Variants in CPNE4 observed in about 807,000 individuals in gnomAD.
The protein encoded by CPNE4 is copine-4.
A neutral mutation model predicts 67.9 loss-of-function variants in CPNE4; 25 were observed. The observed-to-expected ratio is 0.37, with a 90% CI of 0.27 to 0.51. CPNE4 has a LOEUF of 0.51. CPNE4 is among the 20% of genes least tolerant of loss of function. The pLI, the probability that CPNE4 is intolerant of heterozygous loss-of-function variation, is 0.93. For synonymous variants in CPNE4, 242 were observed against 244.9 expected (o/e 0.99, Z 0.11); for missense variants, 464 against 690.8 (o/e 0.67, Z 3.68).
intron 9 of CPNE4, among the ~76,000 whole-genome samples, chr3:131,575,396 C>A (rs575624941): frequency 6.6e-6 from 1 of 152,116 alleles, no homozygotes; most frequent in Admixed American, 6.6e-5. Context: ...TCAGCTTATG[C>A]CTCTGAAGTG....
intron 12 of CPNE4, among the ~76,000 whole-genome samples, chr3:131,553,074 A>G (rs1936269494): frequency 6.6e-6 from 1 of 152,132 alleles, no homozygotes. Flanking sequence ...TAATATTTCA[A>G]CACAAATTCC....
intron 7 of CPNE4, among the ~76,000 whole-genome samples, chr3:131,648,426 C>A (rs2079721389): frequency 6.6e-6 from 1 of 152,130 alleles, no homozygotes; most frequent in Admixed American, 6.5e-5. Flanking sequence ...TCATGGACAT[C>A]AGCCTTCCCC....
At chr3:131,714,574 A>G (rs1459206013) in intron 3 of CPNE4, among the ~76,000 whole-genome samples, 1 of 152,160 alleles carries the variant, frequency 6.6e-6, no homozygotes, top group Admixed American at 6.5e-5. Context: ...AACTAGTAAT[A>G]CAGTGTCCAA....
chr3:131,746,879 T>C (rs746408115), intron 2 of CPNE4, among the ~76,000 whole-genome samples: 5 of 152,172 alleles, frequency 3.3e-5, no homozygotes, highest in Non-Finnish European at 7.4e-5. Context: ...TTAACTTACA[T>C]TCTCACCAGC....
At chr3:131,759,936 A>C (rs946107500) in intron 2 of CPNE4, among the ~76,000 whole-genome samples, 3 of 152,188 alleles carry the variant, frequency 2.0e-5, no homozygotes, top group Non-Finnish European at 4.4e-5. Context: ...TCAATATTAC[A>C]AAGTTATCTG....
At chr3:131,609,383 G>C (rs532772094) in intron 7 of CPNE4, among the ~76,000 whole-genome samples, 1 of 152,156 alleles carries the variant, frequency 6.6e-6, no homozygotes, top group Non-Finnish European at 1.5e-5. Context: ...ACCGTCAAGG[G>C]AATGTGATGT....
intron 7 of CPNE4, among the ~76,000 whole-genome samples, chr3:131,644,536 G>A (rs919402808): frequency 1.3e-5 from 2 of 152,102 alleles, no homozygotes; most frequent in African/African-American, 4.8e-5. Flanking sequence ...TTATGTTTTT[G>A]CCAACAGTTA....
intron 1 of CPNE4, among the ~76,000 whole-genome samples, chr3:131,939,265 G>A (rs1302844924): frequency 6.6e-6 from 1 of 152,098 alleles, no homozygotes; most frequent in Non-Finnish European, 1.5e-5. Context: ...ATACAATGCA[G>A]CTGTCAACAA....
chr3:131,590,096 C>A (rs1184647219), intron 7 of CPNE4, among the ~76,000 whole-genome samples: 1 of 152,076 alleles, frequency 6.6e-6, no homozygotes, highest in African/African-American at 2.4e-5. Context: ...TATACGTCAC[C>A]CTTCCATTCC....
intron 2 of CPNE4, among the ~76,000 whole-genome samples, chr3:131,756,813 A>G (rs2082762099): frequency 6.6e-6 from 1 of 152,188 alleles, no homozygotes; most frequent in African/African-American, 2.4e-5. Context: ...CCCACGTGTG[A>G]TGGAAGGGAC....
intron 7 of CPNE4, among the ~76,000 whole-genome samples, chr3:131,667,457 G>A (rs2080293295): frequency 6.6e-6 from 1 of 151,838 alleles, no homozygotes; most frequent in Non-Finnish European, 1.5e-5. Context: ...GTGTGTGAGT[G>A]TGTATGTGAC....
At chr3:132,001,553 G>GAAAGAAAGAAAGAAAGAA (rs1467276159) in intron 1 of CPNE4, among the ~76,000 whole-genome samples, 22 of 101,858 alleles carry the variant, frequency 2.2e-4, no homozygotes, top group African/African-American at 4.5e-4. Flanking sequence ...AAAGAAAAAA[G>GAAAGAAAGAAAGAAAGAA]AGAAAGAAAG....
At chr3:131,636,763 C>A (rs1194878225) in intron 7 of CPNE4, among the ~76,000 whole-genome samples, 2 of 152,130 alleles carry the variant, frequency 1.3e-5, no homozygotes, top group Non-Finnish European at 2.9e-5. Context: ...AAAAACACAA[C>A]TAAGGACCCT....
chr3:131,557,319 A>G (rs1172717982), intron 11 of CPNE4, among the ~76,000 whole-genome samples: 1 of 152,070 alleles, frequency 6.6e-6, no homozygotes. Context: ...CAGTCAATTC[A>G]GGTTAGGGCT....
At chr3:131,644,436 C>A (rs112468730) in intron 7 of CPNE4, among the ~76,000 whole-genome samples, 1,739 of 152,234 alleles carry the variant, frequency 0.011, 33 homozygotes, top group African/African-American at 0.039. Flanking sequence ...TGTGAGCCAC[C>A]AGGCATGGCT....
rs562068607 is a variant in CPNE4, at chr3:132,019,367, C to T, written c.-2+15200G>A. On this transcript the variant is annotated intron_variant, in intron 1 of 15. Coordinates refer to ENST00000429747, the MANE Select transcript of CPNE4 (RefSeq NM_130808.3). ...CCTTGATTGCACATGAAATCTAAGC[C>T]CACCTTGGTGAGTAAGAGAAACAGT... Among the ~76,000 whole-genome samples, 59 of 152,038 alleles carry T rather than the reference C, an allele frequency of 3.9e-4. No homozygotes were observed. In the East Asian group the frequency reaches 6.0e-3, roughly 15 times the overall value.
At chr3:131,979,729 T>G (rs1239684172) in intron 1 of CPNE4, among the ~76,000 whole-genome samples, 1 of 152,170 alleles carries the variant, frequency 6.6e-6, no homozygotes, top group African/African-American at 2.4e-5. Context: ...TCATGCTGTT[T>G]GTTGCCCATG....
intron 1 of CPNE4, among the ~76,000 whole-genome samples, chr3:131,967,745 C>G (rs2072392277): frequency 6.6e-6 from 1 of 152,068 alleles, no homozygotes; most frequent in Non-Finnish European, 1.5e-5. Context: ...TGCTCATAGA[C>G]CGGAAAAATC....
At chr3:131,669,634 T>C in intron 7 of CPNE4, 41 bp downstream of exon 7, 1 of 1,502,702 alleles carries the variant, frequency 6.7e-7, no homozygotes, top group South Asian at 1.2e-5. Context: ...GATTAAATAC[T>C]TTTTTTAAAA....
Sources: allele counts gnomAD v4.1 joint callset (sites outside exome capture counted in the v4.1 genomes callset), GRCh38; gene constraint gnomAD v4.1.1; transcripts MANE v1.5; gene names NCBI Gene and HGNC (gene_info 2026-07-23, HGNC 2026-07-21).